ABI3BP: variants seen among roughly 807,000 people sequenced by gnomAD.
The protein encoded by ABI3BP is ABI family member 3 binding protein, also known as target of Nesh-SH3.
ABI3BP carries 216 observed loss-of-function variants against 268.6 expected under a neutral mutation model. That is an observed-to-expected ratio of 0.80 (90% CI 0.72 to 0.90). ABI3BP has a LOEUF of 0.90. Ranked by LOEUF, ABI3BP falls within the 40% of genes least tolerant of loss-of-function variation. The probability of loss-of-function intolerance (pLI) is 0.00; values close to 1 mark genes in which losing one functional copy is unlikely to be tolerated. For missense variants in ABI3BP, 2,090 were observed against 2,182.4 expected (o/e 0.96, Z 0.84); for synonymous variants, 730 against 730.0 (o/e 1.00, Z 0.00).
chr3:100,756,724 C>T (rs1143774), intron 63 of ABI3BP, among the ~76,000 whole-genome samples: 41,445 of 150,232 alleles, frequency 0.28, 6,078 homozygotes, highest in Non-Finnish European at 0.32. Flanking sequence ...TTCACAGTTA[C>T]GTACACTTAA....
In ABI3BP at chr3:100,816,777, AG is replaced by A. The variant is rs778097612; in HGVS notation, c.3149-10del. ...CCGTTGTGTTTTAGGAGCTGAAGGA[AG>A]AAACTTTGGATTACTCTAGTGCAGG... On this transcript the variant is annotated splice_polypyrimidine_tract_variant and intron_variant, in intron 42 of 67. Coordinates refer to ENST00000471714, the MANE Select transcript of ABI3BP (RefSeq NM_001375547.2). The A allele has an allele frequency of 3.5e-5, 54 of 1,535,592 alleles. 2 individuals are homozygous for A. In the South Asian group the frequency reaches 6.3e-4, roughly 18 times the overall value.
chr3:100,889,659 C>A (rs887557508), intron 4 of ABI3BP, among the ~76,000 whole-genome samples: 5 of 152,088 alleles, frequency 3.3e-5, no homozygotes, highest in Non-Finnish European at 7.4e-5. Context: ...TCAGCAATTT[C>A]AATTTTAAGA....
chr3:100,783,127 T>C (rs921169691), intron 57 of ABI3BP, among the ~76,000 whole-genome samples: 1 of 152,226 alleles, frequency 6.6e-6, no homozygotes, highest in Non-Finnish European at 1.5e-5. Context: ...AATGTACCAG[T>C]GACTTCATTC....
chr3:100,824,989 A>T (rs2098342819), intron 35 of ABI3BP, 48 bp from the exon 36 acceptor site: 1 of 1,464,950 alleles, frequency 6.8e-7, no homozygotes, highest in Non-Finnish European at 9.2e-7. Flanking sequence ...ATGATTCTGG[A>T]TACTGAGGAA....
At chr3:100,988,979 T>C (rs144861687) in intron 1 of ABI3BP, among the ~76,000 whole-genome samples, 340 of 152,332 alleles carry the variant, frequency 2.2e-3, no homozygotes, top group African/African-American at 7.9e-3. Context: ...ATAGGTACTA[T>C]AGTCTGAATG....
chr3:100,984,145 T>TAA lies in ABI3BP; in HGVS notation c.79+9159_79+9160dup, dbSNP rs35472825. 7.6e-3 allele frequency among the ~76,000 whole-genome samples: 1,133 copies of TAA among 148,904 alleles called. 10 individuals are homozygous for TAA. The highest frequency in any genetic ancestry group is 0.025 in the African/African-American group (1,037 of 40,668). On this transcript the variant is annotated intron_variant, in intron 1 of 67. Coordinates refer to ENST00000471714, the MANE Select transcript of ABI3BP (RefSeq NM_001375547.2). ...GCCATATTAGAATCACCTGAGGAGT[T>TAA]AAAAAAAAAAAAATCCCACCCTAGA...
At position 100,818,472 on chromosome 3, in the gene ABI3BP, G is replaced by A. The variant is rs1019060598; in HGVS notation, c.3088+53C>T. ...TGATGAAGAAGAAACTGACTACAGT[G>A]GTATGACAATAAGCAGGAAAAGCAC... is the stretch of plus-strand genomic sequence containing the variant. On this transcript the variant is annotated intron_variant, in intron 41 of 67. Transcript: ENST00000471714. The A allele has an allele frequency of 3.6e-6, 5 of 1,382,364 alleles. 1 individual carries two copies. The African/African-American group carries it at 4.3e-5, about 12-fold the overall frequency. 85.6% of individuals were successfully genotyped at this position (1,382,364 alleles called of 1,614,324 possible). A position where few individuals can be genotyped will look rare whatever the true frequency, so the allele number is the denominator to read the frequency against.
chr3:100,930,874 G>A (rs2063390856), intron 1 of ABI3BP: 1 of 151,882 alleles, frequency 6.6e-6, no homozygotes, highest in Admixed American at 6.6e-5. Flanking sequence ...CCAAAACCTG[G>A]CAGAAACACA....
chr3:100,812,799 G>C lies in ABI3BP; in HGVS notation c.3365-276C>G, dbSNP rs370219962. ...AGATGGAAAGAAATTACAGTCCTAC[G>C]GAAGAAAAATATAGGATCCAGTGTT... is the stretch of plus-strand genomic sequence containing the variant. On this transcript the variant is annotated intron_variant, in intron 45 of 67. Coordinates refer to ENST00000471714, the MANE Select transcript of ABI3BP (RefSeq NM_001375547.2). Among the ~76,000 whole-genome samples the C allele has an allele frequency of 2.0e-5, 3 of 152,032 alleles. No individual in the cohort carries two copies. In the South Asian group the frequency reaches 6.2e-4, roughly 32 times the overall value.
chr3:100,974,032 A>G (rs1562209441), intron 1 of ABI3BP, among the ~76,000 whole-genome samples: 1 of 152,170 alleles, frequency 6.6e-6, no homozygotes, highest in Non-Finnish European at 1.5e-5. Flanking sequence ...CCTAACGAAT[A>G]GAGATATGGA....
At chr3:100,909,297 A>G (rs2055102502) in intron 2 of ABI3BP, among the ~76,000 whole-genome samples, 1 of 152,202 alleles carries the variant, frequency 6.6e-6, no homozygotes, top group African/African-American at 2.4e-5. Context: ...ACCCAAAACC[A>G]TAAAAACCCT....
chr3:100,910,116 G>A (rs1206190771), intron 2 of ABI3BP, among the ~76,000 whole-genome samples: 1 of 152,132 alleles, frequency 6.6e-6, no homozygotes, highest in Non-Finnish European at 1.5e-5. Context: ...GCGGGGACAT[G>A]GATGAAGCTG....
At chr3:100,977,999 A>G (rs1173774069) in intron 1 of ABI3BP, among the ~76,000 whole-genome samples, 1 of 152,138 alleles carries the variant, frequency 6.6e-6, no homozygotes, top group Non-Finnish European at 1.5e-5. Flanking sequence ...GCATCTGTCT[A>G]GACAGCTCTT....
chr3:100,893,143 G>C (rs1201076236), intron 4 of ABI3BP, among the ~76,000 whole-genome samples: 1 of 152,168 alleles, frequency 6.6e-6, no homozygotes, highest in East Asian at 1.9e-4. Flanking sequence ...CCCTGTGCTG[G>C]ATGCTTCCTC....
intron 62 of ABI3BP, among the ~76,000 whole-genome samples, chr3:100,768,120 A>G (rs766482162): frequency 3.0e-4 from 38 of 128,802 alleles, no homozygotes; most frequent in Non-Finnish European, 5.0e-4. Flanking sequence ...GGAGTCTCAC[A>G]CTCTGTCGCC....
At chr3:100,815,423 G>A (rs991584879) in intron 44 of ABI3BP, among the ~76,000 whole-genome samples, 5 of 152,132 alleles carry the variant, frequency 3.3e-5, no homozygotes, top group African/African-American at 1.2e-4. Context: ...GTGAAGAACA[G>A]TGGTCAAGCT....
intron 2 of ABI3BP, among the ~76,000 whole-genome samples, chr3:100,904,390 G>A (rs570776250): frequency 6.6e-6 from 1 of 152,250 alleles, no homozygotes; most frequent in South Asian, 2.1e-4. Context: ...CATGTGAGTG[G>A]GGGAAACAGA....
intron 62 of ABI3BP, among the ~76,000 whole-genome samples, chr3:100,767,744 G>C (rs910592383): frequency 4.6e-5 from 7 of 152,166 alleles, no homozygotes; most frequent in Admixed American, 6.5e-5. Flanking sequence ...TTGGGTACAG[G>C]TGGAAAGTGC....
chr3:100,920,072 C>T (rs904238802), intron 2 of ABI3BP, among the ~76,000 whole-genome samples: 28 of 152,252 alleles, frequency 1.8e-4, no homozygotes, highest in African/African-American at 5.3e-4. Context: ...TTGACCCTGA[C>T]GAGAAACATA....
Sources: gnomAD v4.1 joint callset for allele counts (sites outside exome capture counted in the v4.1 genomes callset) on GRCh38, gnomAD v4.1.1 for gene constraint, MANE v1.5 for transcripts, NCBI Gene and HGNC (gene_info 2026-07-23, HGNC 2026-07-21) for gene names.